The following MKKS variants were observed in gnomAD, a reference collection of about 807,000 sequenced individuals.
The protein encoded by MKKS is MKKS centrosomal shuttling protein, also known as molecular chaperone MKKS.
In MKKS, 29 loss-of-function variants were observed where a neutral mutation model predicts 33.2. That is an observed-to-expected ratio of 0.87 (90% CI 0.65 to 1.19). The LOEUF is 1.19. Among genes scored for constraint, MKKS ranks in the 50% most tolerant of loss-of-function variants. The pLI, the probability that MKKS is intolerant of heterozygous loss-of-function variation, is 0.00. For synonymous variants in MKKS, 260 were observed against 244.0 expected (o/e 1.07, Z -0.61); for missense variants, 661 against 662.3 (o/e 1.00, Z 0.02).
At chr20:10,424,399 G>GA (rs768479668) in intron 1 of MKKS, among the ~76,000 whole-genome samples, 41 of 151,840 alleles carry the variant, frequency 2.7e-4, no homozygotes, top group Admixed American at 4.6e-4. Flanking sequence ...TATTTTAAAA[G>GA]AAAAAACATA....
At position 10,402,511 on chromosome 20, in the gene MKKS, C is replaced by T. The variant is rs1398795585; in HGVS notation, c.*2736G>A. 5.9e-5 allele frequency: 9 copies of T among 151,646 alleles called. No homozygotes were observed. Among genetic ancestry groups the T allele is most frequent in the Non-Finnish European group, 1.5e-5 (1 of 67,956 alleles). The allele number at this position is 151,646 out of a possible 1,614,324, so 9.4% of individuals were successfully genotyped here. A position where few individuals can be genotyped will look rare whatever the true frequency, so the allele number is the denominator to read the frequency against. On this transcript the variant is annotated 3_prime_UTR_variant, in exon 6 of 6. Coordinates refer to ENST00000347364, the MANE Select transcript of MKKS (RefSeq NM_170784.3). ...TATTTTAACGAATTTGTGATATATT[C>T]AAAATAAGAGCATTGATGTTTCACT... is the stretch of plus-strand genomic sequence containing the variant.
intron 2 of MKKS, among the ~76,000 whole-genome samples, chr20:10,416,149 T>A (rs974306370): frequency 6.7e-6 from 1 of 148,352 alleles, no homozygotes; most frequent in African/African-American, 2.5e-5. Context: ...GCTTGGCAGA[T>A]GGGTTTTTGT....
intron 1 of MKKS, among the ~76,000 whole-genome samples, chr20:10,430,898 T>C (rs184331519): frequency 1.6e-3 from 241 of 152,358 alleles, no homozygotes; most frequent in African/African-American, 5.4e-3. Flanking sequence ...TCAGACACGC[T>C]GTTGGTCTGA....
chr20:10,416,975 T>C (rs2064943505), intron 2 of MKKS, among the ~76,000 whole-genome samples: 1 of 151,988 alleles, frequency 6.6e-6, no homozygotes, highest in Non-Finnish European at 1.5e-5. Flanking sequence ...TCTGATCTTT[T>C]ATAGAAAAAA....
intron 1 of MKKS, among the ~76,000 whole-genome samples, chr20:10,431,449 GTCC>G (rs2065053110): frequency 6.6e-6 from 1 of 152,056 alleles, no homozygotes; most frequent in Non-Finnish European, 1.5e-5. Context: ...CATGATTCTT[GTCC>G]TCAAGGAGAA....
chr20:10,432,759 C>T (rs1435997563), intron 1 of MKKS, among the ~76,000 whole-genome samples: 1 of 126,772 alleles, frequency 7.9e-6, no homozygotes. Flanking sequence ...GATCCAGCTT[C>T]AGCCTGCGCG....
At position 10,405,362 on chromosome 20, in the gene MKKS, G is replaced by A. The variant is rs2064834350; in HGVS notation, c.1598C>T (p.Ser533Leu). 6.2e-7 allele frequency: 1 copy of A among 1,614,206 alleles called. No homozygotes were observed. ...QSCLPHEAVG[S>L]ASNLTLDCLT... The stretch of plus-strand genomic sequence containing the variant: ...ACAGTCCAAGGTCAGGTTGCTGGCT[G>A]AGCCCACAGCTTCATGTGGAAGGCA... The change falls in exon 6 of 6, where the codon TCA (serine) becomes TTA (leucine). Residue 533 changes from serine (S) to leucine (L), a missense_variant. Coordinates refer to ENST00000347364, the MANE Select transcript of MKKS (RefSeq NM_170784.3).
rs2064916989 is a variant in MKKS, at chr20:10,413,897, C to T, written c.-383G>A. The T allele has an allele frequency of 7.2e-6, 3 of 419,572 alleles. No homozygotes were observed. Among genetic ancestry groups the T allele is most frequent in the Admixed American group, 3.9e-5 (1 of 25,500 alleles). 26.0% of individuals were successfully genotyped at this position (419,572 alleles called of 1,614,324 possible). A position where few individuals can be genotyped will look rare whatever the true frequency, so the allele number is the denominator to read the frequency against. ...AACTGGTATTTTTCATCTCTTCTTT[C>T]GATATGAAGCTCAGATTCAAAGCTG... On this transcript the variant is annotated 5_prime_UTR_variant, in exon 3 of 6. Coordinates refer to ENST00000347364, the MANE Select transcript of MKKS (RefSeq NM_170784.3).
chr20:10,411,384 A>G (rs542401231), intron 3 of MKKS, among the ~76,000 whole-genome samples: 3 of 152,166 alleles, frequency 2.0e-5, no homozygotes, highest in African/African-American at 7.2e-5. Context: ...GGTAGCTGGG[A>G]CTACAGGCAT....
rs578252932 is a variant in MKKS at position 10,412,683 on chromosome 20, T to C, written c.832A>G (p.Asn278Asp). The change falls in exon 3 of 6, where the codon AAC becomes GAC. Residue 278 changes from asparagine (N) to aspartate (D), a missense_variant. Physicochemically the swap from Asn to Asp is conservative, Grantham distance 23 (BLOSUM62 1). Coordinates refer to ENST00000347364, the MANE Select transcript of MKKS (RefSeq NM_170784.3). ...LENAVLDQLLNLGRQLISDHV... is the reference protein window; with the variant it reads ...LENAVLDQLLDLGRQLISDHV... ...TCACTGATTAGCTGCCTTCCTAGGT[T>C]AAGCAGCTGGTCCAAGACTGCATTT... 15 of 1,614,198 alleles carry C rather than the reference T, an allele frequency of 9.3e-6. No homozygotes were observed. Among genetic ancestry groups the C allele is most frequent in the African/African-American group, 4.0e-5 (3 of 75,058 alleles).
rs564863430 is a variant in MKKS, at chr20:10,409,043, T to C, written c.986-240A>G. Among the ~76,000 whole-genome samples, 41 of 152,308 alleles carry C rather than the reference T, an allele frequency of 2.7e-4. No individual in the cohort carries two copies. In the South Asian group the frequency reaches 4.6e-3, roughly 17 times the overall value. ...TGTTTACAGATCTCTTTGAAAATCT[T>C]TTAGAAGTCATTTTGTACTGTCTTC... On this transcript the variant is annotated intron_variant, in intron 3 of 5. Coordinates refer to ENST00000347364, the MANE Select transcript of MKKS (RefSeq NM_170784.3).
Position 10,403,400 on chromosome 20 carries a change from ACTC to A in MKKS, c.*1844_*1846del, listed in dbSNP as rs1003869085. On this transcript the variant is annotated 3_prime_UTR_variant, in exon 6 of 6. Coordinates refer to ENST00000347364, the MANE Select transcript of MKKS (RefSeq NM_170784.3). ...ACCACATGCAAAATACGTCCCCCCT[ACTC>A]CTCAGATCCTCAAAAGTTTCACTTT... 6.7e-6 allele frequency: 1 copy of A among 150,030 alleles called. No individual in the cohort carries two copies. Among genetic ancestry groups the A allele is most frequent in the Non-Finnish European group, 1.5e-5 (1 of 67,572 alleles). The allele number at this position is 150,030 out of a possible 1,614,324, so 9.3% of individuals were successfully genotyped here.
rs2064823476 is a variant in MKKS, at chr20:10,403,712, C to T, written c.*1535G>A. ...CATAAAGGAGTCACTAAGTCTAGCC[C>T]ATGCTCAAGGGGAGGAAATTATGCA... On this transcript the variant is annotated 3_prime_UTR_variant, in exon 6 of 6. Coordinates refer to ENST00000347364, the MANE Select transcript of MKKS (RefSeq NM_170784.3). The T allele has an allele frequency of 6.6e-6, 1 of 152,174 alleles. No individual in the cohort carries two copies. The highest frequency in any genetic ancestry group is 6.5e-5 in the Admixed American group (1 of 15,270). 9.4% of individuals were successfully genotyped at this position (152,174 alleles called of 1,614,324 possible). A position where few individuals can be genotyped will look rare whatever the true frequency, so the allele number is the denominator to read the frequency against.
In MKKS at chr20:10,405,330, C is replaced by T. The variant is rs1158712960; in HGVS notation, c.1630G>A (p.Ala544Thr). 1 of 1,614,090 alleles carries T rather than the reference C, an allele frequency of 6.2e-7. No individual in the cohort carries two copies. ...GCCACCTGTAGGCCACTAAGCTTTG[C>T]AGTCAAACAGTCCAAGGTCAGGTTG... ...ASNLTLDCLT[A>T]KLSGLQVAVE... Residue 544 changes from alanine to threonine, a missense_variant, in exon 6 of 6, where the codon GCA becomes ACA. Ala to Thr is a moderately conservative substitution (Grantham distance 58, BLOSUM62 0). Coordinates refer to ENST00000347364, the MANE Select transcript of MKKS (RefSeq NM_170784.3).
At position 10,413,127 on chromosome 20, in the gene MKKS, A is replaced by G. The variant is rs144602159; in HGVS notation, c.388T>C (p.Tyr130His). The G allele has an allele frequency of 1.2e-6, 2 of 1,614,004 alleles. No homozygotes were observed. Among genetic ancestry groups the G allele is most frequent in the Admixed American group, 1.7e-5 (1 of 60,002 alleles). ...CAACCACAGGTCTCAGACTTGAGAT[A>G]ACTGATGCAAAGACTCAAAAGATGT... The part of the protein sequence containing the change: ...NKHLLSLCIS[Y>H]LKSETCGCRI... Residue 130 changes from tyrosine (Y) to histidine (H), a missense_variant, in exon 3 of 6, where the codon TAT becomes CAT. Physicochemically the swap from Tyr to His is moderately conservative, Grantham distance 83 (BLOSUM62 2). Transcript: ENST00000347364.
chr20:10,416,174 T>C (rs2064937307), intron 2 of MKKS, among the ~76,000 whole-genome samples: 1 of 152,150 alleles, frequency 6.6e-6, no homozygotes, highest in African/African-American at 2.4e-5. Context: ...GTTGCAGTGA[T>C]GGATAACTTA....
intron 1 of MKKS, among the ~76,000 whole-genome samples, chr20:10,433,891 G>A (rs185521308): frequency 1.3e-5 from 2 of 152,288 alleles, no homozygotes; most frequent in African/African-American, 4.8e-5. Context: ...GCCCGCATCC[G>A]TGCCGACCGC....
At chr20:10,409,465 G>C (rs2064865112) in intron 3 of MKKS, among the ~76,000 whole-genome samples, 1 of 152,098 alleles carries the variant, frequency 6.6e-6, no homozygotes, top group Non-Finnish European at 1.5e-5. Flanking sequence ...GTAAAAATAT[G>C]AATAAAGAAG....
intron 1 of MKKS, among the ~76,000 whole-genome samples, chr20:10,427,148 C>G (rs1466686241): frequency 6.6e-6 from 1 of 151,472 alleles, no homozygotes; most frequent in Non-Finnish European, 1.5e-5. Flanking sequence ...ATCTAGCCAT[C>G]AGATTATTCT....
Sources: allele counts gnomAD v4.1 joint callset (sites outside exome capture counted in the v4.1 genomes callset), GRCh38; gene constraint gnomAD v4.1.1; transcripts MANE v1.5; gene names NCBI Gene and HGNC (gene_info 2026-07-23, HGNC 2026-07-21).